Variants in TFDP2 observed in about 807,000 individuals in gnomAD.
TFDP2 encodes transcription factor Dp-2.
A neutral mutation model predicts 59.3 loss-of-function variants in TFDP2; 17 were observed. The ratio of observed to expected loss-of-function variants is 0.29; its 90% CI spans 0.20 to 0.43. The LOEUF (loss-of-function observed/expected upper bound fraction) is 0.43. Among genes scored for constraint, TFDP2 ranks in the 20% least tolerant of loss-of-function variants. The pLI, the probability that TFDP2 is intolerant of heterozygous loss-of-function variation, is 1.00. For synonymous variants in TFDP2, 180 were observed against 194.7 expected (o/e 0.92, Z 0.63); for missense variants, 391 against 528.8 (o/e 0.74, Z 2.56).
At chr3:142,119,310 TCA>T (rs1413410306) in intron 1 of TFDP2, among the ~76,000 whole-genome samples, 4 of 152,132 alleles carry the variant, frequency 2.6e-5, no homozygotes, top group African/African-American at 2.4e-5. Flanking sequence ...GAAAAAACTC[TCA>T]GTGTATCCGA....
At chr3:142,052,280 A>G (rs377249568) in intron 3 of TFDP2, among the ~76,000 whole-genome samples, 235 of 152,128 alleles carry the variant, frequency 1.5e-3, no homozygotes, top group South Asian at 5.4e-3. Context: ...GCTCACGCCT[A>G]TAATCCCAGC....
intron 3 of TFDP2, among the ~76,000 whole-genome samples, chr3:142,021,354 G>A (rs1242802528): frequency 6.6e-6 from 1 of 152,084 alleles, no homozygotes; most frequent in Non-Finnish European, 1.5e-5. Context: ...TCACATACAC[G>A]GAAGGAAAAG....
intron 3 of TFDP2, among the ~76,000 whole-genome samples, chr3:142,024,371 C>T (rs1945899116): frequency 6.6e-6 from 1 of 152,158 alleles, no homozygotes; most frequent in Non-Finnish European, 1.5e-5. Context: ...GATCAGTTCA[C>T]AAAACATAGT....
At chr3:141,989,181 G>A (rs1942470566) in intron 6 of TFDP2, 1 of 152,062 alleles carries the variant, frequency 6.6e-6, no homozygotes, top group Non-Finnish European at 1.5e-5. Context: ...AAAATGTCCT[G>A]TTCTTTCATG....
chr3:141,977,174 C>G (rs559987717), intron 7 of TFDP2, among the ~76,000 whole-genome samples: 2 of 139,602 alleles, frequency 1.4e-5, no homozygotes, highest in Admixed American at 1.5e-4. Context: ...GGCTGGAATG[C>G]AGTGGCATGA....
At chr3:141,977,753 C>T (rs1940914504) in intron 7 of TFDP2, among the ~76,000 whole-genome samples, 2 of 152,010 alleles carry the variant, frequency 1.3e-5, no homozygotes, top group South Asian at 4.2e-4. Flanking sequence ...CTCTGTCGCC[C>T]AGGCTGGAGT....
At chr3:141,979,884 T>C (rs1399461376) in intron 6 of TFDP2, among the ~76,000 whole-genome samples, 1 of 150,558 alleles carries the variant, frequency 6.6e-6, no homozygotes, top group African/African-American at 2.4e-5. Flanking sequence ...CCACTGCGCC[T>C]GGCCCTCTGT....
At chr3:142,078,882 G>A (rs1405587380) in intron 3 of TFDP2, among the ~76,000 whole-genome samples, 1 of 152,090 alleles carries the variant, frequency 6.6e-6, no homozygotes, top group African/African-American at 2.4e-5. Context: ...CTGTTTTGAA[G>A]TAACTCAAAG....
chr3:141,983,259 C>A (rs1353885463), intron 6 of TFDP2, among the ~76,000 whole-genome samples: 1 of 151,706 alleles, frequency 6.6e-6, no homozygotes, highest in Non-Finnish European at 1.5e-5. Context: ...GAAAGTTAAG[C>A]AAAAAATGTC....
chr3:142,066,127 G>A (rs2060067396), intron 3 of TFDP2, among the ~76,000 whole-genome samples: 1 of 152,054 alleles, frequency 6.6e-6, no homozygotes, highest in Non-Finnish European at 1.5e-5. Context: ...GCATTATTAT[G>A]GTCCCTACAG....
At chr3:142,047,275 A>G (rs1383781313) in intron 3 of TFDP2, among the ~76,000 whole-genome samples, 2 of 151,894 alleles carry the variant, frequency 1.3e-5, no homozygotes, top group Non-Finnish European at 2.9e-5. Flanking sequence ...AATCATGCCT[A>G]CTCCCCTCCT....
intron 7 of TFDP2, among the ~76,000 whole-genome samples, chr3:141,978,055 A>C (rs1940972437): frequency 1.3e-5 from 2 of 151,710 alleles, no homozygotes; most frequent in African/African-American, 4.8e-5. Context: ...AACAAAAAAA[A>C]CAACTAAGGC....
chr3:142,126,845 C>T (rs1364868675), intron 1 of TFDP2, among the ~76,000 whole-genome samples: 2 of 150,952 alleles, frequency 1.3e-5, no homozygotes, highest in African/African-American at 2.4e-5. Context: ...ACTCAGGAGG[C>T]TGAGGCAGGA....
intron 1 of TFDP2, among the ~76,000 whole-genome samples, chr3:142,133,970 G>A (rs2062614575): frequency 6.6e-6 from 1 of 151,878 alleles, no homozygotes; most frequent in Admixed American, 6.6e-5. Context: ...GGAGGTGGAG[G>A]TGGCAGTGAG....
At chr3:142,110,821 C>T (rs1037018926) in intron 1 of TFDP2, among the ~76,000 whole-genome samples, 7 of 151,936 alleles carry the variant, frequency 4.6e-5, no homozygotes, top group Admixed American at 4.6e-4. Flanking sequence ...GGCATGGTGG[C>T]ACACACCTGT....
In TFDP2 at chr3:142,057,023, C is replaced by T. The variant is rs889766595; in HGVS notation, c.82+36038G>A. ...TGCAGTAATAGGAAGTAATGCCCTG[C>T]TGATTAGAGGAGAACTGTGTTTCTT... On this transcript the variant is annotated intron_variant, in intron 3 of 12. Transcript: ENST00000489671. Among the ~76,000 whole-genome samples the T allele has an allele frequency of 2.6e-5, 4 of 152,184 alleles. No individual in the cohort carries two copies. In the East Asian group the frequency reaches 7.7e-4, roughly 29 times the overall value.
intron 3 of TFDP2, chr3:142,044,152 C>G: frequency 1.8e-6 from 1 of 567,072 alleles, no homozygotes; most frequent in Non-Finnish European, 3.2e-6. Context: ...CTTGCCACAG[C>G]AGAGGACAGA....
chr3:142,092,301 TG>T lies in TFDP2; in HGVS notation c.82+759del, dbSNP rs1443257759. ...TATTGAAAGATACTGCTGGTTCCTG[TG>T]TAAGTTCTTGTACTGGTGGGTCAGA... On this transcript the variant is annotated intron_variant, in intron 3 of 12. Transcript: ENST00000489671. Among the ~76,000 whole-genome samples, 4 of 152,182 alleles carry T rather than the reference TG, an allele frequency of 2.6e-5. No homozygotes were observed. The East Asian group carries it at 7.7e-4, about 29-fold the overall frequency.
At chr3:142,019,053 A>ATTTTTTTTTT in intron 3 of TFDP2, among the ~76,000 whole-genome samples, 1 of 140,316 alleles carries the variant, frequency 7.1e-6, no homozygotes, top group Non-Finnish European at 1.6e-5. Flanking sequence ...TTCTTCGCAC[A>ATTTTTTTTTT]TTTTTTTTTT....
Sources: gnomAD v4.1 joint callset for allele counts (sites outside exome capture counted in the v4.1 genomes callset) on GRCh38, gnomAD v4.1.1 for gene constraint, MANE v1.5 for transcripts, NCBI Gene and HGNC (gene_info 2026-07-23, HGNC 2026-07-21) for gene names.